Variants in CSE1L observed in about 807,000 individuals in gnomAD.
CSE1L encodes the protein chromosome segregation 1 like, also known as exportin-2.
Under a neutral mutation model 120.4 loss-of-function variants are expected in CSE1L, and 24 were observed. The ratio of observed to expected loss-of-function variants is 0.20; its 90% CI spans 0.14 to 0.28. The LOEUF (loss-of-function observed/expected upper bound fraction) is 0.28, where lower values mean the gene tolerates loss of function less well. Among genes scored for constraint, CSE1L ranks in the 10% least tolerant of loss-of-function variants. The pLI, the probability that CSE1L is intolerant of heterozygous loss-of-function variation, is 1.00. For synonymous variants in CSE1L, 402 were observed against 398.3 expected (o/e 1.01, Z -0.11); for missense variants, 830 against 1,145.2 (o/e 0.72, Z 3.97).
chr20:49,064,574 T>G (rs1432324769), intron 3 of CSE1L, among the ~76,000 whole-genome samples: 2 of 152,014 alleles, frequency 1.3e-5, no homozygotes, highest in Non-Finnish European at 2.9e-5. Context: ...GCGAGGCATA[T>G]GGTGGTGCAC....
intron 3 of CSE1L, among the ~76,000 whole-genome samples, chr20:49,063,934 T>C (rs2091871126): frequency 6.6e-6 from 1 of 152,238 alleles, no homozygotes; most frequent in Admixed American, 6.5e-5. Context: ...TAAACCTATT[T>C]TATAACAGGT....
In CSE1L at chr20:49,085,272, T is replaced by C; in HGVS notation, c.1620-11T>C. ...GTTGGTAGTGACTGAAAGCTGTTTT[T>C]TCATCTATAGCTTTACAGCTGCAGA... On this transcript the variant is annotated splice_polypyrimidine_tract_variant and intron_variant, in intron 15 of 24. Coordinates refer to ENST00000262982, the MANE Select transcript of CSE1L (RefSeq NM_001316.4). 1 of 1,611,724 alleles carries C rather than the reference T, an allele frequency of 6.2e-7. No individual in the cohort carries two copies. The highest frequency in any genetic ancestry group is 8.5e-7 in the Non-Finnish European group (1 of 1,177,942).
chr20:49,088,065 C>G lies in CSE1L; in HGVS notation c.1780C>G (p.Leu594Val), dbSNP rs148320954. ...AGCCATAATCCCCTACATCCCTACT[C>G]TCATCACTCAGCTTACACAGAAGCT... Reference protein sequence around the residue: ...QEAIIPYIPTLITQLTQKLLA... With the variant: ...QEAIIPYIPTVITQLTQKLLA... Residue 594 changes from leucine to valine, a missense_variant, in exon 17 of 25, where the codon CTC (leucine) becomes GTC (valine). Leu to Val is a conservative substitution (Grantham distance 32, BLOSUM62 1). This residue lies in a region of CSE1L where 168 missense variants were observed against 267.9 expected (regional missense o/e 0.63). Transcript: ENST00000262982. 14 of 1,612,832 alleles carry G rather than the reference C, an allele frequency of 8.7e-6. No homozygotes were observed. Among genetic ancestry groups the G allele is most frequent in the Admixed American group, 1.7e-5 (1 of 59,822 alleles).
At chr20:49,076,511 C>CT (rs1555823918) in intron 12 of CSE1L, among the ~76,000 whole-genome samples, 23 of 145,004 alleles carry the variant, frequency 1.6e-4, no homozygotes, top group East Asian at 4.1e-4. Context: ...TTGAAGTGTC[C>CT]CTCTCTCTCT....
At chr20:49,046,822 G>C (rs1485471780) in intron 1 of CSE1L, among the ~76,000 whole-genome samples, 1 of 152,240 alleles carries the variant, frequency 6.6e-6, no homozygotes, top group Non-Finnish European at 1.5e-5. Flanking sequence ...CTCTGCGACG[G>C]TGGCTGCTAG....
rs761669365 is a variant in CSE1L at position 49,063,292 on chromosome 20, A to G, written c.176A>G (p.Lys59Arg). The change falls in exon 3 of 25, where the codon AAA becomes AGA. Residue 59 changes from lysine to arginine, a missense_variant. By Grantham distance (26) the Lys-to-Arg change is conservative. Around this residue, in one of 4 missense-constraint regions of CSE1L, gnomAD observed 543 missense variants for 640.2 expected, o/e 0.85. Transcript: ENST00000262982. Reference sequence around the variant, plus strand: ...GAGAAGTCCCAGGATAATGTTATCAAAGTATGTGCTTCAGTAACATTCAAA... The same window carrying G: ...GAGAAGTCCCAGGATAATGTTATCAGAGTATGTGCTTCAGTAACATTCAAA... ...LLEKSQDNVI[K>R]VCASVTFKNY... is the part of the protein sequence containing the mutation. 4.5e-6 allele frequency: 7 copies of G among 1,566,216 alleles called. No homozygotes were observed. In the African/African-American group the frequency reaches 6.8e-5, roughly 15 times the overall value.
At chr20:49,081,347 G>A (rs564351809) in intron 14 of CSE1L, among the ~76,000 whole-genome samples, 5 of 152,226 alleles carry the variant, frequency 3.3e-5, no homozygotes, top group Admixed American at 1.3e-4. Context: ...GCAGTGACAT[G>A]ACCACAGCTC....
At chr20:49,087,153 T>C (rs1386230083) in intron 16 of CSE1L, among the ~76,000 whole-genome samples, 1 of 152,142 alleles carries the variant, frequency 6.6e-6, no homozygotes, top group Non-Finnish European at 1.5e-5. Flanking sequence ...TTTTAACCCA[T>C]TTATGGTCTT....
Position 49,090,934 on chromosome 20 carries a change from T to C in CSE1L, c.2280-3T>C, listed in dbSNP as rs749097744. On this transcript the variant is annotated splice_polypyrimidine_tract_variant and splice_region_variant and intron_variant, in intron 20 of 24. Transcript: ENST00000262982. ...ATATTGTTGATTTTTTTTAATTCTT[T>C]AGTGAATCAGTTGACCAATATAGGA... 2.2e-5 allele frequency: 36 copies of C among 1,602,888 alleles called. No homozygotes were observed. Among genetic ancestry groups the C allele is most frequent in the East Asian group, 2.2e-5 (1 of 44,812 alleles).
At chr20:49,046,882 G>C (rs1281393040) in intron 1 of CSE1L, among the ~76,000 whole-genome samples, 3 of 152,238 alleles carry the variant, frequency 2.0e-5, no homozygotes, top group Non-Finnish European at 4.4e-5. Context: ...CGGGGACTGC[G>C]GGCGCGTGGA....
At position 49,064,780 on chromosome 20, in the gene CSE1L, A is replaced by G. The variant is rs978863269; in HGVS notation, c.229-1412A>G. ...ATGCCAGCCCTCTCCCTCTATTTTGATTTGTAAAACTAGTGAGACTTAACA... is the reference window on the plus strand; with the variant it reads ...ATGCCAGCCCTCTCCCTCTATTTTGGTTTGTAAAACTAGTGAGACTTAACA... On this transcript the variant is annotated intron_variant, in intron 3 of 24. Transcript: ENST00000262982. Among the ~76,000 whole-genome samples the G allele has an allele frequency of 3.3e-5, 5 of 151,296 alleles. 1 individual carries two copies. The highest frequency in any genetic ancestry group is 4.2e-4 in the South Asian group (2 of 4,784).
rs145309067 is a variant in CSE1L, at chr20:49,072,439, G to A, written c.922G>A (p.Val308Ile). 2 of 1,613,992 alleles carry A rather than the reference G, an allele frequency of 1.2e-6. No homozygotes were observed. Among genetic ancestry groups the A allele is most frequent in the African/African-American group, 1.3e-5 (1 of 75,024 alleles). ...TTTACTAGTTACAACGGGTCAAGAG[G>A]TTAAATATGATTTGGTAAGATGATG... ...WNLLVTTGQE[V>I]KYDLLVSNAI... Residue 308 changes from valine (V) to isoleucine (I), a missense_variant, in exon 9 of 25, where the codon GTT (valine) becomes ATT (isoleucine). This residue lies in a region of CSE1L where 543 missense variants were observed against 640.2 expected (regional missense o/e 0.85). Transcript: ENST00000262982.
rs753739695 is a variant in CSE1L, at chr20:49,074,775, C to T, written c.1067-10C>T. 1.1e-5 allele frequency: 18 copies of T among 1,609,042 alleles called. No individual in the cohort carries two copies. In the South Asian group the frequency reaches 2.0e-4, roughly 18 times the overall value. The stretch of plus-strand genomic sequence containing the variant: ...TGGAGTGTTATCTGAAATATCATCT[C>T]TCCTTGTAGCTGCTGATGAAGAAGC... On this transcript the variant is annotated splice_polypyrimidine_tract_variant and intron_variant, in intron 10 of 24. Transcript: ENST00000262982.
intron 3 of CSE1L, among the ~76,000 whole-genome samples, chr20:49,065,340 T>TTTTTTTTTTTTTTG (rs2091883941): frequency 8.2e-6 from 1 of 121,728 alleles, no homozygotes. Flanking sequence ...TTTTTTTTTT[T>TTTTTTTTTTTTTTG]GAGAGGGAGT....
intron 14 of CSE1L, among the ~76,000 whole-genome samples, chr20:49,080,681 G>A (rs1321784193): frequency 6.6e-6 from 1 of 151,990 alleles, no homozygotes; most frequent in Non-Finnish European, 1.5e-5. Context: ...TCTCCATGTT[G>A]GTCAGGCTGG....
intron 16 of CSE1L, among the ~76,000 whole-genome samples, chr20:49,085,696 C>T (rs1054527954): frequency 3.3e-5 from 5 of 150,714 alleles, no homozygotes; most frequent in African/African-American, 4.9e-5. Context: ...CTCAGCCTCC[C>T]GAGTAACTGG....
At chr20:49,054,368 C>T (rs181023826) in intron 1 of CSE1L, among the ~76,000 whole-genome samples, 1 of 152,306 alleles carries the variant, frequency 6.6e-6, no homozygotes, top group Admixed American at 6.5e-5. Context: ...GGCTCCCCAC[C>T]GCTCAGTTGT....
At chr20:49,067,155 C>G (rs752955778) in intron 5 of CSE1L, 35 bp from the exon 6 acceptor site, 1 of 1,338,462 alleles carries the variant, frequency 7.5e-7, no homozygotes. Context: ...ATAAAAAAAA[C>G]TTGTAAATTT....
intron 11 of CSE1L, 92 bp downstream of exon 11, chr20:49,074,942 A>AT: frequency 2.2e-6 from 2 of 917,320 alleles, no homozygotes; most frequent in Non-Finnish European, 3.3e-6. Flanking sequence ...GGGATTGAGA[A>AT]TAAGAGTGTT....
Sources: gnomAD v4.1 joint callset for allele counts (sites outside exome capture counted in the v4.1 genomes callset) on GRCh38, gnomAD v4.1.1 for gene constraint, gnomAD v4.1.1 regional missense constraint, MANE v1.5 for transcripts, NCBI Gene and HGNC (gene_info 2026-07-23, HGNC 2026-07-21) for gene names.